VRK1: variants seen among roughly 807,000 people sequenced by gnomAD.
VRK1 encodes the protein serine/threonine-protein kinase VRK1.
A neutral mutation model predicts 57.1 loss-of-function variants in VRK1; 33 were observed. That is an observed-to-expected ratio of 0.58 (90% CI 0.44 to 0.77). The LOEUF is 0.77. Ranked by LOEUF, VRK1 falls within the 30% of genes least tolerant of loss-of-function variation. The pLI is 0.00. For missense variants in VRK1, 413 were observed against 477.3 expected (o/e 0.87, Z 1.25); for synonymous variants, 137 against 147.8 (o/e 0.93, Z 0.53).
intron 1 of VRK1, among the ~76,000 whole-genome samples, chr14:96,820,911 G>A (rs1216295318): frequency 6.6e-6 from 1 of 152,156 alleles, no homozygotes; most frequent in Non-Finnish European, 1.5e-5. Context: ...GGTAACAGGA[G>A]TTTCATAGCT....
At chr14:96,857,144 C>T (rs1004819043) in intron 10 of VRK1, among the ~76,000 whole-genome samples, 3 of 152,126 alleles carry the variant, frequency 2.0e-5, no homozygotes, top group Non-Finnish European at 4.4e-5. Context: ...AATATCCCTG[C>T]CCTCATGAAG....
In VRK1 at chr14:96,808,457, A is replaced by G. The variant is rs1365964775; in HGVS notation, c.-6+11010A>G. ...AGAAGCATCAAGCTCAATTATTTTT[A>G]AAGTTTTACAAAGTGAACACCCTGT... On this transcript the variant is annotated intron_variant, in intron 1 of 12. Transcript: ENST00000216639. Among the ~76,000 whole-genome samples the G allele has an allele frequency of 2.0e-5, 3 of 152,298 alleles. No homozygotes were observed. The East Asian group carries it at 5.8e-4, about 29-fold the overall frequency.
At chr14:96,805,050 G>T (rs963171973) in intron 1 of VRK1, among the ~76,000 whole-genome samples, 2 of 152,194 alleles carry the variant, frequency 1.3e-5, no homozygotes, top group Non-Finnish European at 2.9e-5. Flanking sequence ...CAACTGAAAT[G>T]ATAAAAACAT....
chr14:96,880,339 A>G (rs1377013843), intron 12 of VRK1, among the ~76,000 whole-genome samples: 2 of 152,158 alleles, frequency 1.3e-5, no homozygotes, highest in East Asian at 3.8e-4. Context: ...GTCATTGATT[A>G]ATTATGAGCA....
At chr14:96,855,840 G>A (rs1247848293) in intron 8 of VRK1, among the ~76,000 whole-genome samples, 1 of 152,110 alleles carries the variant, frequency 6.6e-6, no homozygotes, top group Non-Finnish European at 1.5e-5. Context: ...ATATCTTCAA[G>A]TTTTCCAAAG....
At chr14:96,805,457 A>G (rs1367495415) in intron 1 of VRK1, among the ~76,000 whole-genome samples, 1 of 152,232 alleles carries the variant, frequency 6.6e-6, no homozygotes, top group South Asian at 2.1e-4. Flanking sequence ...CTCACTTTCC[A>G]TTTTGTTAGT....
intron 1 of VRK1, among the ~76,000 whole-genome samples, chr14:96,825,856 T>C (rs1886780412): frequency 6.6e-6 from 1 of 152,166 alleles, no homozygotes; most frequent in Non-Finnish European, 1.5e-5. Context: ...TTCATAAAAA[T>C]ACATGACCCC....
intron 1 of VRK1, among the ~76,000 whole-genome samples, chr14:96,807,028 A>G (rs1039767196): frequency 6.6e-6 from 1 of 152,184 alleles, no homozygotes; most frequent in Admixed American, 6.5e-5. Flanking sequence ...AATGCCTCCA[A>G]CGACAGAGAA....
At chr14:96,877,537 A>G (rs1003503859) in intron 12 of VRK1, 3 of 1,289,416 alleles carry the variant, frequency 2.3e-6, no homozygotes, top group African/African-American at 3.0e-5. Flanking sequence ...ACATCGAAGC[A>G]TGTCTCAGCC....
intron 5 of VRK1, among the ~76,000 whole-genome samples, chr14:96,849,110 C>T (rs992595665): frequency 6.6e-6 from 1 of 152,090 alleles, no homozygotes; most frequent in Non-Finnish European, 1.5e-5. Context: ...CAGTTTGGAA[C>T]CCATGTATAG....
intron 1 of VRK1, among the ~76,000 whole-genome samples, chr14:96,809,956 C>G (rs546470103): frequency 6.6e-6 from 1 of 152,260 alleles, no homozygotes; most frequent in South Asian, 2.1e-4. Flanking sequence ...TATGAAAGTT[C>G]CGGTTACTCT....
At chr14:96,847,905 T>G (rs991916077) in intron 5 of VRK1, among the ~76,000 whole-genome samples, 4 of 152,198 alleles carry the variant, frequency 2.6e-5, no homozygotes, top group African/African-American at 9.7e-5. Context: ...GTTCAGAGAA[T>G]GGAGAGAATG....
intron 11 of VRK1, among the ~76,000 whole-genome samples, chr14:96,873,114 A>G (rs1398591584): frequency 6.6e-6 from 1 of 152,202 alleles, no homozygotes; most frequent in Non-Finnish European, 1.5e-5. Context: ...AGAGACAGCC[A>G]TGAATCTGAT....
intron 1 of VRK1, among the ~76,000 whole-genome samples, chr14:96,831,737 C>CAAA (rs1887013400): frequency 2.0e-5 from 3 of 152,088 alleles, no homozygotes; most frequent in Non-Finnish European, 4.4e-5. Context: ...ACATGTTGTC[C>CAAA]ACTCATTTTA....
chr14:96,833,745 T>A, intron 2 of VRK1, 114 bp downstream of exon 2: 2 of 1,493,094 alleles, frequency 1.3e-6, no homozygotes, highest in Non-Finnish European at 9.2e-7. Flanking sequence ...GCAGTCAACT[T>A]AATAGTTTCT....
At chr14:96,870,120 G>T (rs1175649817) in intron 11 of VRK1, among the ~76,000 whole-genome samples, 1 of 152,090 alleles carries the variant, frequency 6.6e-6, no homozygotes, top group Non-Finnish European at 1.5e-5. Context: ...GGTTATCACT[G>T]AGCATTTATG....
chr14:96,880,334 T>A (rs1358647409), intron 12 of VRK1, among the ~76,000 whole-genome samples: 3 of 152,180 alleles, frequency 2.0e-5, no homozygotes, highest in Non-Finnish European at 4.4e-5. Context: ...GTGCAGTCAT[T>A]GATTAATTAT....
At chr14:96,833,318 A>G (rs1182868530) in intron 1 of VRK1, 149 bp from the exon 2 acceptor site, 6 of 796,068 alleles carry the variant, frequency 7.5e-6, no homozygotes, top group Non-Finnish European at 1.2e-5. Context: ...GATTTGAGCC[A>G]TTATAAGTCA....
intron 10 of VRK1, among the ~76,000 whole-genome samples, chr14:96,857,527 G>A (rs1888212998): frequency 1.3e-5 from 2 of 152,232 alleles, no homozygotes; most frequent in East Asian, 1.9e-4. Flanking sequence ...TGTAGTAGAA[G>A]AGTGACATGA....
Sources: gnomAD v4.1 joint callset for allele counts (sites outside exome capture counted in the v4.1 genomes callset) on GRCh38, gnomAD v4.1.1 for gene constraint, MANE v1.5 for transcripts, NCBI Gene and HGNC (gene_info 2026-07-23, HGNC 2026-07-21) for gene names.